Variants in PSMB7 observed in about 807,000 individuals in gnomAD.
The protein encoded by PSMB7 is proteasome 20S subunit beta 7.
A neutral mutation model predicts 28.1 loss-of-function variants in PSMB7; 5 were observed. The observed-to-expected ratio is 0.18, with a 90% CI of 0.09 to 0.37. The LOEUF (loss-of-function observed/expected upper bound fraction) is 0.37. Among genes scored for constraint, PSMB7 ranks in the 10% least tolerant of loss-of-function variants. The probability of loss-of-function intolerance (pLI) is 1.00; values close to 1 mark genes in which losing one functional copy is unlikely to be tolerated. For missense variants in PSMB7, 275 were observed against 346.2 expected (o/e 0.79, Z 1.63); for synonymous variants, 122 against 123.7 (o/e 0.99, Z 0.09).
intron 4 of PSMB7, among the ~76,000 whole-genome samples, chr9:124,409,452 C>CT (rs1171788321): frequency 6.6e-6 from 1 of 152,180 alleles, no homozygotes; most frequent in African/African-American, 2.4e-5. Context: ...ACAAGCATTA[C>CT]TTACATCAAC....
chr9:124,385,272 T>A (rs907814810), intron 5 of PSMB7, among the ~76,000 whole-genome samples: 40 of 152,218 alleles, frequency 2.6e-4, no homozygotes, highest in Non-Finnish European at 8.8e-5. Flanking sequence ...GAGTAACAGC[T>A]GAATAGACAA....
At chr9:124,398,783 T>C (rs566599238) in intron 5 of PSMB7, among the ~76,000 whole-genome samples, 2 of 152,300 alleles carry the variant, frequency 1.3e-5, no homozygotes, top group African/African-American at 4.8e-5. Flanking sequence ...TTGCCAGAGA[T>C]GGAAGACAAG....
chr9:124,385,891 C>G (rs1830713673), intron 5 of PSMB7, among the ~76,000 whole-genome samples: 1 of 152,054 alleles, frequency 6.6e-6, no homozygotes, highest in African/African-American at 2.4e-5. Context: ...AATTATAGAT[C>G]AAATTTAAAG....
At chr9:124,390,292 G>A (rs543816302) in intron 5 of PSMB7, among the ~76,000 whole-genome samples, 1 of 152,136 alleles carries the variant, frequency 6.6e-6, no homozygotes, top group Non-Finnish European at 1.5e-5. Context: ...TAGAAACATC[G>A]ATTGGAAATC....
chr9:124,388,298 C>A (rs1183443352), intron 5 of PSMB7, among the ~76,000 whole-genome samples: 2 of 152,220 alleles, frequency 1.3e-5, no homozygotes, highest in Non-Finnish European at 2.9e-5. Flanking sequence ...TGGGCCTCTG[C>A]TGTACACTCG....
At chr9:124,389,309 C>T (rs908314864) in intron 5 of PSMB7, among the ~76,000 whole-genome samples, 3 of 152,204 alleles carry the variant, frequency 2.0e-5, no homozygotes, top group Non-Finnish European at 4.4e-5. Context: ...CTGACGCTCT[C>T]GGTCTCATCA....
rs1830406685 is a variant in PSMB7 at position 124,356,361 on chromosome 9, T to C, written c.722+403A>G. 6.6e-6 allele frequency among the ~76,000 whole-genome samples: 1 copy of C among 152,178 alleles called. No homozygotes were observed. Among genetic ancestry groups the C allele is most frequent in the African/African-American group, 2.4e-5 (1 of 41,432 alleles). On this transcript the variant is annotated intron_variant, in intron 7 of 7. Coordinates refer to ENST00000259457, the MANE Select transcript of PSMB7 (RefSeq NM_002799.4). This position sits in a 1 kb window ranked among gnomAD's most constrained non-coding sequence, Gnocchi z 4.4. ...GGCCACCTCTGGGAGGCTGTTAGCA[T>C]TGCTGACTTACACCCAGTTAGGAAT...
intron 4 of PSMB7, among the ~76,000 whole-genome samples, chr9:124,409,371 T>C (rs1831002332): frequency 6.6e-6 from 1 of 152,196 alleles, no homozygotes; most frequent in African/African-American, 2.4e-5. Flanking sequence ...CAAGTAATAG[T>C]TTCTAGAACA....
intron 5 of PSMB7, among the ~76,000 whole-genome samples, chr9:124,385,845 TAC>T (rs1204459081): frequency 1.3e-5 from 2 of 152,068 alleles, no homozygotes; most frequent in African/African-American, 4.8e-5. Flanking sequence ...ATTGAGAAAA[TAC>T]AGACTACCTT....
chr9:124,399,950 C>A lies in PSMB7; in HGVS notation c.511+5367G>T, dbSNP rs544307851. Among the ~76,000 whole-genome samples, 3 of 152,318 alleles carry A rather than the reference C, an allele frequency of 2.0e-5. No homozygotes were observed. In the South Asian group the frequency reaches 6.2e-4, roughly 32 times the overall value. On this transcript the variant is annotated intron_variant, in intron 5 of 7. Coordinates refer to ENST00000259457, the MANE Select transcript of PSMB7 (RefSeq NM_002799.4). ...TTCCCTGGCTTGAAAGAGCAGGAGACCTCCAGGACAAAATCAAAACAGCTC... is the reference window on the plus strand; with the variant it reads ...TTCCCTGGCTTGAAAGAGCAGGAGAACTCCAGGACAAAATCAAAACAGCTC...
chr9:124,367,985 T>A (rs1207420306), intron 6 of PSMB7, among the ~76,000 whole-genome samples: 1 of 152,228 alleles, frequency 6.6e-6, no homozygotes, highest in Non-Finnish European at 1.5e-5. Flanking sequence ...ACAGCGGCCA[T>A]CATACTGCAA....
chr9:124,411,481 G>A (rs2131182180), intron 4 of PSMB7, among the ~76,000 whole-genome samples: 1 of 152,278 alleles, frequency 6.6e-6, no homozygotes, highest in East Asian at 1.9e-4. Context: ...ATTCTACACA[G>A]AAGGAAAAAG....
At chr9:124,363,701 G>C (rs1830483542) in intron 6 of PSMB7, among the ~76,000 whole-genome samples, 1 of 152,148 alleles carries the variant, frequency 6.6e-6, no homozygotes, top group African/African-American at 2.4e-5. Context: ...TTCCTTGATA[G>C]CTTTTTTTTT....
chr9:124,384,714 A>C, intron 5 of PSMB7, 58 bp from the exon 6 acceptor site: 171 of 1,541,412 alleles, frequency 1.1e-4, no homozygotes, highest in Non-Finnish European at 1.4e-4. Context: ...TATCCATCTC[A>C]AGTTTACCTA....
intron 5 of PSMB7, among the ~76,000 whole-genome samples, chr9:124,405,050 T>C (rs1402369979): frequency 6.6e-6 from 1 of 152,156 alleles, no homozygotes; most frequent in Non-Finnish European, 1.5e-5. Flanking sequence ...ATTATAAATA[T>C]ACTTCTCACA....
At chr9:124,392,395 G>A (rs2131168015) in intron 5 of PSMB7, among the ~76,000 whole-genome samples, 2 of 152,304 alleles carry the variant, frequency 1.3e-5, no homozygotes, top group Middle Eastern at 3.4e-3. Context: ...AGCTGCCAAA[G>A]TTGCTCCAGG....
intron 5 of PSMB7, among the ~76,000 whole-genome samples, chr9:124,404,065 T>C (rs1042524803): frequency 5.3e-5 from 8 of 151,876 alleles, no homozygotes; most frequent in South Asian, 4.2e-4. Context: ...CTTATATATA[T>C]ATGTGGCACA....
At chr9:124,374,875 C>T (rs780668470) in intron 6 of PSMB7, among the ~76,000 whole-genome samples, 39 of 152,146 alleles carry the variant, frequency 2.6e-4, no homozygotes, top group Non-Finnish European at 5.1e-4. Flanking sequence ...GGCACGGTGG[C>T]TCATGCCCGT....
intron 6 of PSMB7, among the ~76,000 whole-genome samples, chr9:124,373,102 T>C (rs1588571232): frequency 6.6e-6 from 1 of 152,204 alleles, no homozygotes; most frequent in African/African-American, 2.4e-5. Flanking sequence ...CAACTCAAAA[T>C]ATCTGGTGCT....
Sources: allele counts gnomAD v4.1 joint callset (sites outside exome capture counted in the v4.1 genomes callset), GRCh38; gene constraint gnomAD v4.1.1; non-coding constraint Gnocchi (gnomAD v3.1); transcripts MANE v1.5; gene names NCBI Gene and HGNC (gene_info 2026-07-23, HGNC 2026-07-21).